The following RGS7BP variants were observed in gnomAD, a reference collection of about 807,000 sequenced individuals.
RGS7BP encodes regulator of G protein signaling 7-binding protein.
In RGS7BP, 9 loss-of-function variants were observed where a neutral mutation model predicts 31.3. The observed-to-expected ratio is 0.29, with a 90% CI of 0.17 to 0.50. The LOEUF is 0.50. Ranked by LOEUF, RGS7BP falls within the 20% of genes least tolerant of loss-of-function variation. RGS7BP has a pLI of 0.98. For synonymous variants in RGS7BP, 115 were observed against 120.1 expected, an observed-to-expected ratio of 0.96 and a Z score of 0.28; for missense variants, 274 against 322.0, an observed-to-expected ratio of 0.85 and a Z score of 1.14.
chr5:64,521,823 AT>A (rs1221001434), intron 2 of RGS7BP, among the ~76,000 whole-genome samples: 2 of 152,100 alleles, frequency 1.3e-5, no homozygotes, highest in South Asian at 4.2e-4. Context: ...CGTTTGTGTA[AT>A]TTTTTTCTAA....
intron 3 of RGS7BP, among the ~76,000 whole-genome samples, chr5:64,590,399 G>T (rs927044825): frequency 1.3e-5 from 2 of 152,034 alleles, no homozygotes; most frequent in Non-Finnish European, 1.5e-5. Flanking sequence ...AGAAAAAGTG[G>T]TATACAAAGA....
At position 64,594,752 on chromosome 5, in the gene RGS7BP, T is replaced by C; in HGVS notation, c.506T>C (p.Ile169Thr). 1.2e-6 allele frequency: 2 copies of C among 1,613,702 alleles called. No individual in the cohort carries two copies. Among genetic ancestry groups the C allele is most frequent in the Admixed American group, 1.7e-5 (1 of 59,966 alleles). ...GGGTKSLDCK[I>T]EESAETPALE... ...GGAACCAAGAGTTTGGATTGCAAAATTGAGGAGAGTGCTGAAACACCTGCC... is the reference window on the plus strand; with the variant it reads ...GGAACCAAGAGTTTGGATTGCAAAACTGAGGAGAGTGCTGAAACACCTGCC... The change falls in exon 4 of 6, where the codon ATT becomes ACT. Residue 169 changes from isoleucine (I) to threonine (T), a missense_variant. Coordinates refer to ENST00000334025, the MANE Select transcript of RGS7BP (RefSeq NM_001029875.3).
chr5:64,538,528 C>CTTTTTTTTTTTCCTTTTTTTTTT (rs1741438556), intron 2 of RGS7BP, among the ~76,000 whole-genome samples: 1 of 43,060 alleles, frequency 2.3e-5, no homozygotes, highest in Non-Finnish European at 4.5e-5. Context: ...CTTTTCTTTT[C>CTTTTTTTTTTTCCTTTTTTTTTT]TTTTTTTTTT....
Position 64,580,035 on chromosome 5 carries a change from C to T in RGS7BP, c.463+4131C>T, listed in dbSNP as rs180745179. ...TGCCCAGGAACCTCTAGTTAATACA[C>T]AAGTATATGACTCTTTGGGAGGCTG... On this transcript the variant is annotated intron_variant, in intron 3 of 5. Coordinates refer to ENST00000334025, the MANE Select transcript of RGS7BP (RefSeq NM_001029875.3). Among the ~76,000 whole-genome samples, 14 of 152,228 alleles carry T rather than the reference C, an allele frequency of 9.2e-5. 1 individual carries two copies. The East Asian group carries it at 2.7e-3, about 29-fold the overall frequency.
chr5:64,530,455 G>C (rs1749341173), intron 2 of RGS7BP, among the ~76,000 whole-genome samples: 1 of 152,194 alleles, frequency 6.6e-6, no homozygotes, highest in South Asian at 2.1e-4. Flanking sequence ...GAACATACCT[G>C]TGTGATATTT....
chr5:64,555,132 A>T (rs1741890275), intron 2 of RGS7BP, among the ~76,000 whole-genome samples: 1 of 152,118 alleles, frequency 6.6e-6, no homozygotes, highest in Non-Finnish European at 1.5e-5. Context: ...TACTAAGGAC[A>T]AAGGAAGTTT....
chr5:64,522,042 T>C (rs1749119110), intron 2 of RGS7BP, among the ~76,000 whole-genome samples: 1 of 152,236 alleles, frequency 6.6e-6, no homozygotes, highest in Admixed American at 6.5e-5. Context: ...ATCTGGGTCC[T>C]GCTCAAAAAT....
intron 3 of RGS7BP, among the ~76,000 whole-genome samples, chr5:64,583,765 A>T (rs569674114): frequency 1.3e-5 from 2 of 152,248 alleles, no homozygotes; most frequent in African/African-American, 2.4e-5. Flanking sequence ...AAGAATATAA[A>T]CATAACTAAC....
At chr5:64,586,738 G>T (rs1742765087) in intron 3 of RGS7BP, among the ~76,000 whole-genome samples, 1 of 152,124 alleles carries the variant, frequency 6.6e-6, no homozygotes, top group Non-Finnish European at 1.5e-5. Flanking sequence ...TTCAATTAAT[G>T]GTTATTGAAT....
intron 2 of RGS7BP, among the ~76,000 whole-genome samples, chr5:64,512,210 G>A (rs980400258): frequency 3.3e-5 from 5 of 152,184 alleles, no homozygotes; most frequent in Admixed American, 6.5e-5. Context: ...TGGCTCTCAA[G>A]AGAATCTAAA....
intron 3 of RGS7BP, 52 bp downstream of exon 3, chr5:64,575,956 A>T: frequency 6.4e-7 from 1 of 1,558,094 alleles, no homozygotes; most frequent in Non-Finnish European, 8.7e-7. Flanking sequence ...AACAAAAGCT[A>T]ATCTTTGGCA....
chr5:64,543,760 C>A (rs1388616318), intron 2 of RGS7BP, among the ~76,000 whole-genome samples: 1 of 152,162 alleles, frequency 6.6e-6, no homozygotes, highest in Non-Finnish European at 1.5e-5. Flanking sequence ...CTGCTGTGCC[C>A]CAACAAAAGT....
chr5:64,520,650 G>A (rs1749082295), intron 2 of RGS7BP, among the ~76,000 whole-genome samples: 1 of 152,228 alleles, frequency 6.6e-6, no homozygotes, highest in Admixed American at 6.5e-5. Flanking sequence ...TCTGACCCAG[G>A]TCTGGGTAGG....
chr5:64,549,312 A>G (rs1213077328), intron 2 of RGS7BP, among the ~76,000 whole-genome samples: 2 of 152,254 alleles, frequency 1.3e-5, no homozygotes, highest in Non-Finnish European at 2.9e-5. Context: ...ATCAAGTCCA[A>G]AGTTTAGCAA....
intron 2 of RGS7BP, among the ~76,000 whole-genome samples, chr5:64,510,162 A>G (rs983293283): frequency 6.6e-6 from 1 of 152,202 alleles, no homozygotes; most frequent in Admixed American, 6.5e-5. Flanking sequence ...TTGCGCGCCC[A>G]CTATTTGTCA....
At chr5:64,597,129 A>G (rs185281231) in intron 4 of RGS7BP, among the ~76,000 whole-genome samples, 1 of 152,208 alleles carries the variant, frequency 6.6e-6, no homozygotes, top group Admixed American at 6.5e-5. Context: ...ATCTGCCCCT[A>G]TGTCCTGGGG....
At chr5:64,527,653 C>G (rs1013368161) in intron 2 of RGS7BP, among the ~76,000 whole-genome samples, 1 of 117,370 alleles carries the variant, frequency 8.5e-6, no homozygotes, top group African/African-American at 3.1e-5. Context: ...GAGGAATGTT[C>G]TAAATATCCA....
Position 64,609,491 on chromosome 5 carries a change from G to A in RGS7BP, c.*239G>A, listed in dbSNP as rs1743449919. ...GTTTTTAAAAGGGAATTTTAAAGCT[G>A]ACATTGTGCATGTCTGCTCCAAACC... On this transcript the variant is annotated 3_prime_UTR_variant, in exon 6 of 6. Transcript: ENST00000334025. 3.9e-6 allele frequency: 2 copies of A among 507,956 alleles called. No homozygotes were observed. The highest frequency in any genetic ancestry group is 6.5e-5 in the East Asian group (2 of 30,680). 31.5% of individuals were successfully genotyped at this position (507,956 alleles called of 1,614,324 possible). A position where few individuals can be genotyped will look rare whatever the true frequency, so the allele number is the denominator to read the frequency against.
At chr5:64,568,928 C>T (rs888433437) in intron 2 of RGS7BP, among the ~76,000 whole-genome samples, 2 of 117,240 alleles carry the variant, frequency 1.7e-5, no homozygotes, top group Non-Finnish European at 3.8e-5. Flanking sequence ...AGGTGCTGGT[C>T]GAAGGCAAGC....
Sources: gnomAD v4.1 joint callset for allele counts (sites outside exome capture counted in the v4.1 genomes callset) on GRCh38, gnomAD v4.1.1 for gene constraint, MANE v1.5 for transcripts, NCBI Gene and HGNC (gene_info 2026-07-23, HGNC 2026-07-21) for gene names.